Variants in FAM110A observed in about 807,000 individuals in gnomAD.
The protein encoded by FAM110A is protein FAM110A.
A neutral mutation model predicts 4.0 loss-of-function variants in FAM110A; 1 was observed. That is an observed-to-expected ratio of 0.25 (90% confidence interval 0.09 to 1.20). FAM110A has a LOEUF of 1.20. Ranked by LOEUF, FAM110A falls within the 50% of genes most tolerant of loss-of-function variation. The pLI is 0.50. For synonymous variants in FAM110A, 217 were observed against 196.8 expected (o/e 1.10, Z -0.86); for missense variants, 436 against 429.2 (o/e 1.02, Z -0.14).
chr20:839,659 G>A (rs750734867), intron 1 of FAM110A: 68 of 1,196,940 alleles, frequency 5.7e-5, no homozygotes, highest in Middle Eastern at 2.7e-4. Context: ...GGACGGCTGC[G>A]GTGTAGGGTG....
At chr20:838,817 A>AC (rs1979716804) in intron 1 of FAM110A, among the ~76,000 whole-genome samples, 1 of 128,916 alleles carries the variant, frequency 7.8e-6, no homozygotes, top group East Asian at 2.3e-4. Flanking sequence ...GGGAGCTTGG[A>AC]TTTTTTTTTT....
intron 1 of FAM110A, among the ~76,000 whole-genome samples, chr20:838,318 C>T (rs754781262): frequency 9.9e-5 from 15 of 152,190 alleles, no homozygotes; most frequent in Non-Finnish European, 2.1e-4. Flanking sequence ...CTCTTTCTTA[C>T]TGATATAAGA....
chr20:841,237 A>C (rs1229577595), intron 1 of FAM110A: 1 of 152,146 alleles, frequency 6.6e-6, no homozygotes, highest in African/African-American at 2.4e-5. Flanking sequence ...CGGCCGCCGG[A>C]AGTTGCGCAA....
chr20:842,382 C>T (rs1361583231), intron 1 of FAM110A, among the ~76,000 whole-genome samples: 4 of 152,196 alleles, frequency 2.6e-5, no homozygotes, highest in Non-Finnish European at 5.9e-5. Flanking sequence ...CCTCTTTATC[C>T]GGATGGTGCC....
intron 1 of FAM110A, 83 bp from the exon 2 acceptor site, chr20:844,625 C>T: frequency 2.1e-6 from 2 of 943,052 alleles, no homozygotes; most frequent in South Asian, 3.0e-5. Flanking sequence ...ATAGGGAGGG[C>T]GTCTTATCCT....
At chr20:841,259 C>G (rs192577139) in intron 1 of FAM110A, 6,144 of 152,216 alleles carry the variant, frequency 0.04, 148 homozygotes, top group Middle Eastern at 0.075. Context: ...CTCAGCTTGC[C>G]GGAGCCCCAG....
intron 1 of FAM110A, among the ~76,000 whole-genome samples, chr20:837,045 GTTTTTTT>G (rs71191980): frequency 1.2e-5 from 1 of 82,922 alleles, no homozygotes; most frequent in African/African-American, 4.8e-5. Flanking sequence ...ACTCTGCATT[GTTTTTTT>G]TTTTTTTTTT....
At chr20:839,637 C>T in intron 1 of FAM110A, 4 of 1,166,694 alleles carry the variant, frequency 3.4e-6, no homozygotes, top group Non-Finnish European at 5.2e-6. Context: ...AGGCCGAGGC[C>T]TGCCAGTCTC....
In FAM110A at chr20:844,928, G is replaced by A. The variant is rs1165280366; in HGVS notation, c.124G>A (p.Ala42Thr). 22 of 1,579,304 alleles carry A rather than the reference G, an allele frequency of 1.4e-5. No homozygotes were observed. The highest frequency in any genetic ancestry group is 1.8e-5 in the Admixed American group (1 of 55,016). Residue 42 changes from alanine to threonine, a missense_variant, in exon 2 of 2, where the codon GCT (alanine) becomes ACT (threonine). Physicochemically the swap from Ala to Thr is moderately conservative, Grantham distance 58. Coordinates refer to ENST00000381941, the MANE Select transcript of FAM110A (RefSeq NM_001042353.3). ...PADGGARKPS[A>T]VERLEADKAK... The stretch of plus-strand genomic sequence containing the variant: ...AGATGGTGGAGCCCGGAAACCGAGC[G>A]CTGTGGAGCGCCTGGAGGCCGACAA...
chr20:839,622 C>G, intron 1 of FAM110A: 1 of 1,133,964 alleles, frequency 8.8e-7, no homozygotes, highest in South Asian at 1.2e-5. Context: ...ACCCTCCAGA[C>G]CTTTAGGCCG....
In FAM110A at chr20:840,929, C is replaced by T. The variant is rs1210238073; in HGVS notation, c.-97-3779C>T. On this transcript the variant is annotated intron_variant, in intron 1 of 1. Coordinates refer to ENST00000381941, the MANE Select transcript of FAM110A (RefSeq NM_001042353.3). The surrounding 1 kb of genome is among the most constrained non-coding windows in gnomAD (Gnocchi z 4.4). The stretch of plus-strand genomic sequence containing the variant: ...CCCGATACCAAGAAAAACACTTTCC[C>T]GTGCCTGGCACAGTGAACATCACCT... Among the ~76,000 whole-genome samples, 1 of 152,092 alleles carries T rather than the reference C, an allele frequency of 6.6e-6. No homozygotes were observed. Among genetic ancestry groups the T allele is most frequent in the Non-Finnish European group, 1.5e-5 (1 of 68,000 alleles).
At chr20:843,707 G>A (rs888755537) in intron 1 of FAM110A, among the ~76,000 whole-genome samples, 5 of 152,236 alleles carry the variant, frequency 3.3e-5, no homozygotes, top group African/African-American at 9.6e-5. Context: ...CTGTGGGCTT[G>A]GCCCTTCCTT....
Position 844,784 on chromosome 20 carries a change from C to G in FAM110A, c.-21C>G. The G allele has an allele frequency of 7.0e-7, 1 of 1,436,264 alleles. No homozygotes were observed. The highest frequency in any genetic ancestry group is 9.1e-7 in the Non-Finnish European group (1 of 1,099,866). 89.0% of individuals were successfully genotyped at this position (1,436,264 alleles called of 1,614,324 possible). A position where few individuals can be genotyped will look rare whatever the true frequency, so the allele number is the denominator to read the frequency against. On this transcript the variant is annotated 5_prime_UTR_variant, in exon 2 of 2. Coordinates refer to ENST00000381941, the MANE Select transcript of FAM110A (RefSeq NM_001042353.3). ...TCTCTCCGGTCTCCGCAGACTAAAG[C>G]CCTCGGGATATGCAGCAGCCATGCC...
intron 1 of FAM110A, among the ~76,000 whole-genome samples, chr20:841,515 GA>G (rs1180673253): frequency 6.6e-6 from 1 of 152,176 alleles, no homozygotes; most frequent in Non-Finnish European, 1.5e-5. Context: ...CCTGCTAGCC[GA>G]CCCCCCATCC....
Position 844,858 on chromosome 20 carries a change from C to T in FAM110A, c.54C>T (p.Cys18=). 1.3e-6 allele frequency: 2 copies of T among 1,537,270 alleles called. No individual in the cohort carries two copies. Among genetic ancestry groups the T allele is most frequent in the Non-Finnish European group, 1.8e-6 (2 of 1,141,308 alleles). The change falls in exon 2 of 2, where the codon TGC becomes TGT. Residue 18 remains cysteine (C), a synonymous_variant. Coordinates refer to ENST00000381941, the MANE Select transcript of FAM110A (RefSeq NM_001042353.3). ...CCCCGTCCGCCCCCGCCCTACCTTG[C>T]CGCCTGCGGACCAGGGTCCCTGGCT... ...PGAPSAPALP[C]RLRTRVPGYL...
chr20:838,704 A>G (rs892605699), intron 1 of FAM110A, among the ~76,000 whole-genome samples: 5 of 152,216 alleles, frequency 3.3e-5, no homozygotes, highest in African/African-American at 9.6e-5. Context: ...CCTTATGTTC[A>G]GGAACAGCAG....
At chr20:835,700 G>A (rs999998380) in intron 1 of FAM110A, among the ~76,000 whole-genome samples, 2 of 152,228 alleles carry the variant, frequency 1.3e-5, no homozygotes, top group Non-Finnish European at 2.9e-5. Context: ...GCTGACTCCT[G>A]GGCAGGCCAG....
intron 1 of FAM110A, among the ~76,000 whole-genome samples, chr20:837,575 A>G (rs141287382): frequency 4.7e-4 from 71 of 152,326 alleles, no homozygotes; most frequent in Non-Finnish European, 8.5e-4. Context: ...CAGTTAGGGA[A>G]ACTGAGATAT....
chr20:835,278 A>ATG (rs1368460371), intron 1 of FAM110A, among the ~76,000 whole-genome samples: 1 of 151,616 alleles, frequency 6.6e-6, no homozygotes, highest in African/African-American at 2.4e-5. Flanking sequence ...ATATGTATAT[A>ATG]TGTGTATATA....
Sources: gnomAD v4.1 joint callset for allele counts (sites outside exome capture counted in the v4.1 genomes callset) on GRCh38, gnomAD v4.1.1 for gene constraint, Gnocchi (gnomAD v3.1) non-coding constraint, MANE v1.5 for transcripts, NCBI Gene and HGNC (gene_info 2026-07-23, HGNC 2026-07-21) for gene names.